SYNPR: variants seen among roughly 807,000 people sequenced by gnomAD.
SYNPR encodes synaptoporin.
SYNPR carries 23 observed loss-of-function variants against 32.9 expected under a neutral mutation model. That is an observed-to-expected ratio of 0.70 (90% CI 0.50 to 0.99). The LOEUF is 0.99. SYNPR is among the 50% of genes least tolerant of loss of function. The probability of loss-of-function intolerance (pLI) is 0.00; values close to 1 mark genes in which losing one functional copy is unlikely to be tolerated. For missense variants in SYNPR, 318 were observed against 349.3 expected, an observed-to-expected ratio of 0.91 and a Z score of 0.71; for synonymous variants, 146 against 135.9, an observed-to-expected ratio of 1.07 and a Z score of -0.52.
intron 2 of SYNPR, among the ~76,000 whole-genome samples, chr3:63,348,897 C>T (rs1396108425): frequency 6.6e-6 from 1 of 152,048 alleles, no homozygotes; most frequent in Non-Finnish European, 1.5e-5. Flanking sequence ...TATGTCTATG[C>T]TGTTTTGGTT....
In SYNPR at chr3:63,271,577, T is replaced by C. The variant is rs563389703; in HGVS notation, n.287+4128T>C. ...TTTGTTAAGTATATGGTAGAATCCA[T>C]TGATCTTTCCTATCTTCATCATCTA... On this transcript the variant is annotated intron_variant and non_coding_transcript_variant, in intron 3 of 4. Transcript: ENST00000478456. Among the ~76,000 whole-genome samples, 16 of 152,274 alleles carry C rather than the reference T, an allele frequency of 1.1e-4. No homozygotes were observed. The East Asian group carries it at 2.9e-3, about 28-fold the overall frequency.
intron 2 of SYNPR, among the ~76,000 whole-genome samples, chr3:63,411,111 G>A (rs1189616501): frequency 1.3e-5 from 2 of 152,096 alleles, no homozygotes; most frequent in Admixed American, 6.6e-5. Context: ...AACCTGATCC[G>A]ATGCAATGTG....
At position 63,329,286 on chromosome 3, in the gene SYNPR, A is replaced by T. The variant is rs145684839; in HGVS notation, c.84+50544A>T. 2.5e-3 allele frequency among the ~76,000 whole-genome samples: 374 copies of T among 152,292 alleles called. 2 individuals are homozygous for T. Among genetic ancestry groups the T allele is most frequent in the African/African-American group, 8.3e-3 (347 of 41,568 alleles). On this transcript the variant is annotated intron_variant, in intron 2 of 5. Coordinates refer to ENST00000478300, the MANE Select transcript of SYNPR (RefSeq NM_001130003.2). ...ACATTATAGTTTAATTATCACAGCAATTTAATGGGGTAGCTACTCTTCTTA... is the reference window on the plus strand; with the variant it reads ...ACATTATAGTTTAATTATCACAGCATTTTAATGGGGTAGCTACTCTTCTTA...
At chr3:63,385,925 G>A (rs6445340) in intron 2 of SYNPR, among the ~76,000 whole-genome samples, 106,036 of 152,152 alleles carry the variant, frequency 0.7, 38,180 homozygotes, top group African/African-American at 0.89. Flanking sequence ...ATAGACTATC[G>A]AAGCTAAGAC....
intron 2 of SYNPR, among the ~76,000 whole-genome samples, chr3:63,372,559 G>A (rs1423205503): frequency 6.6e-6 from 1 of 152,092 alleles, no homozygotes; most frequent in East Asian, 1.9e-4. Flanking sequence ...AACCCTCACT[G>A]GTCACAAGGC....
At chr3:63,252,194 T>C (rs1186572217) in intron 1 of SYNPR, among the ~76,000 whole-genome samples, 1 of 152,208 alleles carries the variant, frequency 6.6e-6, no homozygotes, top group East Asian at 1.9e-4. Context: ...GTGTTCTAAA[T>C]GTTTCAAGGA....
rs144051755 is a variant in SYNPR, at chr3:63,345,029, G to C, written c.84+66287G>C. Among the ~76,000 whole-genome samples the C allele has an allele frequency of 3.3e-5, 5 of 152,272 alleles. No homozygotes were observed. In the East Asian group the frequency reaches 9.6e-4, roughly 29 times the overall value. On this transcript the variant is annotated intron_variant, in intron 2 of 5. Coordinates refer to ENST00000478300, the MANE Select transcript of SYNPR (RefSeq NM_001130003.2). The stretch of plus-strand genomic sequence containing the variant: ...AAAAGTATCTCAAATACTAGTCTTA[G>C]GTCTTAGAATACTGATGTTATCTAA...
intron 2 of SYNPR, among the ~76,000 whole-genome samples, chr3:63,381,229 A>G (rs1386543692): frequency 6.6e-6 from 1 of 152,254 alleles, no homozygotes; most frequent in Admixed American, 6.5e-5. Context: ...ATCAATGTAC[A>G]AAAATCACAA....
intron 2 of SYNPR, among the ~76,000 whole-genome samples, chr3:63,374,590 A>C (rs2087860827): frequency 6.6e-6 from 1 of 152,224 alleles, no homozygotes; most frequent in African/African-American, 2.4e-5. Flanking sequence ...CTAAAATAAA[A>C]GTTAAAAAAA....
intron 2 of SYNPR, among the ~76,000 whole-genome samples, chr3:63,359,742 T>A (rs2087631536): frequency 6.6e-6 from 1 of 152,196 alleles, no homozygotes; most frequent in South Asian, 2.1e-4. Context: ...GCTCTGCCCC[T>A]TATTATCTTT....
intron 2 of SYNPR, among the ~76,000 whole-genome samples, chr3:63,370,527 C>T (rs1167881602): frequency 6.6e-6 from 1 of 152,088 alleles, no homozygotes; most frequent in Non-Finnish European, 1.5e-5. Context: ...TTTGTACTCG[C>T]CCAAAAAATT....
Position 63,491,735 on chromosome 3 carries a change from G to C in SYNPR, c.209+10779G>C, listed in dbSNP as rs889211735. Among the ~76,000 whole-genome samples the C allele has an allele frequency of 4.0e-5, 6 of 151,898 alleles. No individual in the cohort carries two copies. In the South Asian group the frequency reaches 1.0e-3, roughly 26 times the overall value. ...GTGGTTTCACCATGTTGGCCATGCTGTTCTCGAACTCCTGATCTCAAGTGA... is the reference window on the plus strand; with the variant it reads ...GTGGTTTCACCATGTTGGCCATGCTCTTCTCGAACTCCTGATCTCAAGTGA... On this transcript the variant is annotated intron_variant, in intron 3 of 5. Coordinates refer to ENST00000478300, the MANE Select transcript of SYNPR (RefSeq NM_001130003.2).
chr3:63,549,780 G>A lies in SYNPR; in HGVS notation c.210-6763G>A, dbSNP rs137880804. Among the ~76,000 whole-genome samples the A allele has an allele frequency of 1.2e-3, 183 of 152,160 alleles. 1 individual carries two copies. The highest frequency in any genetic ancestry group is 2.1e-3 in the Non-Finnish European group (141 of 68,012). On this transcript the variant is annotated intron_variant, in intron 3 of 5. Coordinates refer to ENST00000478300, the MANE Select transcript of SYNPR (RefSeq NM_001130003.2). ...CAATATTTTCTTTAACCCAATTGAAGCATCAGTGAAATGTTTTAAATGACT... is the reference window on the plus strand; with the variant it reads ...CAATATTTTCTTTAACCCAATTGAAACATCAGTGAAATGTTTTAAATGACT...
At chr3:63,529,063 T>G (rs1402137066) in intron 3 of SYNPR, among the ~76,000 whole-genome samples, 5 of 152,174 alleles carry the variant, frequency 3.3e-5, no homozygotes, top group Non-Finnish European at 7.4e-5. Context: ...GATACAAAGT[T>G]TGATCACTAG....
At position 63,352,297 on chromosome 3, in the gene SYNPR, C is replaced by T. The variant is rs887926927; in HGVS notation, c.84+73555C>T. Among the ~76,000 whole-genome samples the T allele has an allele frequency of 2.2e-4, 33 of 151,906 alleles. 1 individual carries two copies. Among genetic ancestry groups the T allele is most frequent in the Admixed American group, 1.5e-3 (23 of 15,236 alleles). On this transcript the variant is annotated intron_variant, in intron 2 of 5. Coordinates refer to ENST00000478300, the MANE Select transcript of SYNPR (RefSeq NM_001130003.2). ...AAGGATTCTTGAAAATCCTCTCACC[C>T]AGTTCTCGAAGTGAATAAAAGAATC...
At chr3:63,441,568 G>A (rs760706876) in intron 2 of SYNPR, among the ~76,000 whole-genome samples, 4 of 152,118 alleles carry the variant, frequency 2.6e-5, no homozygotes, top group Non-Finnish European at 4.4e-5. Context: ...TTAAATGCCG[G>A]GTGATTCTAA....
In SYNPR at chr3:63,615,667, T is replaced by G; in HGVS notation, c.*186T>G. On this transcript the variant is annotated 3_prime_UTR_variant, in exon 6 of 6. Transcript: ENST00000478300. ...AATGATACTTAGAGATGAGGCGACATGAGGAGATATATTATTCATCATAGA... is the reference window on the plus strand; with the variant it reads ...AATGATACTTAGAGATGAGGCGACAGGAGGAGATATATTATTCATCATAGA... 1.4e-6 allele frequency: 1 copy of G among 702,772 alleles called. No individual in the cohort carries two copies. The highest frequency in any genetic ancestry group is 2.3e-6 in the Non-Finnish European group (1 of 440,418). The allele number at this position is 702,772 out of a possible 1,614,324, so 43.5% of individuals were successfully genotyped here.
intron 1 of SYNPR, among the ~76,000 whole-genome samples, chr3:63,237,565 C>A (rs1392840091): frequency 6.6e-6 from 1 of 151,904 alleles, no homozygotes; most frequent in African/African-American, 2.4e-5. Flanking sequence ...TGGTTGTCTT[C>A]TCTCCTTCAA....
upstream of SYNPR, among the ~76,000 whole-genome samples, chr3:63,274,143 A>T (rs2086557130): frequency 6.6e-6 from 1 of 152,218 alleles, no homozygotes; most frequent in African/African-American, 2.4e-5. Flanking sequence ...TAGATTTCAT[A>T]ACATACGGGT....
Sources: gnomAD v4.1 joint callset for allele counts (sites outside exome capture counted in the v4.1 genomes callset) on GRCh38, gnomAD v4.1.1 for gene constraint, MANE v1.5 for transcripts, NCBI Gene and HGNC (gene_info 2026-07-23, HGNC 2026-07-21) for gene names.